Variants in GPR89A observed in about 807,000 individuals in gnomAD.
GPR89A encodes the protein golgi pH regulator A, also known as G protein-coupled receptor 89A.
Under a neutral mutation model 52.0 loss-of-function variants are expected in GPR89A, and 16 were observed. That is an observed-to-expected ratio of 0.31 (90% CI 0.21 to 0.47). The LOEUF is 0.47. Among genes scored for constraint, GPR89A ranks in the 20% least tolerant of loss-of-function variants. The probability of loss-of-function intolerance (pLI) is 1.00; values close to 1 mark genes in which losing one functional copy is unlikely to be tolerated. For synonymous variants in GPR89A, 55 were observed against 150.9 expected (o/e 0.36, Z 4.66); for missense variants, 135 against 449.4 (o/e 0.30, Z 6.33).
chr1:145,670,606 G>A lies in GPR89A; in HGVS notation c.*566G>A, dbSNP rs1440124442. 2.3e-5 allele frequency: 4 copies of A among 177,686 alleles called. No individual in the cohort carries two copies. The South Asian group carries it at 3.6e-4, about 16-fold the overall frequency. 11.0% of individuals were successfully genotyped at this position (177,686 alleles called of 1,614,324 possible). A position where few individuals can be genotyped will look rare whatever the true frequency, so the allele number is the denominator to read the frequency against. On this transcript the variant is annotated 3_prime_UTR_variant, in exon 14 of 14. Coordinates refer to ENST00000313835, the MANE Select transcript of GPR89A (RefSeq NM_001097612.2). ...AGAAAGAGGTTATCTGTTCTTTTCCGGGAAAGGGGTGGTATGCACCTGAAA... is the reference window on the plus strand; with the variant it reads ...AGAAAGAGGTTATCTGTTCTTTTCCAGGAAAGGGGTGGTATGCACCTGAAA...
chr1:145,609,630 G>A (rs1168954972), intron 1 of GPR89A, among the ~76,000 whole-genome samples: 1 of 152,148 alleles, frequency 6.6e-6, no homozygotes, highest in African/African-American at 2.4e-5. Flanking sequence ...ATAAAGATAA[G>A]AATGTCAGTA....
intron 1 of GPR89A, among the ~76,000 whole-genome samples, chr1:145,612,731 C>T (rs1473835674): frequency 2.6e-5 from 4 of 152,028 alleles, no homozygotes; most frequent in African/African-American, 4.8e-5. Context: ...CTCTAGTATT[C>T]CACCATCCTT....
chr1:145,611,604 C>T (rs1411434286), intron 1 of GPR89A: 1 of 151,278 alleles, frequency 6.6e-6, no homozygotes, highest in Non-Finnish European at 1.5e-5. Flanking sequence ...ATATCTGTTT[C>T]TCTTTTCTTC....
At chr1:145,648,949 T>C (rs1553693104) in intron 10 of GPR89A, among the ~76,000 whole-genome samples, 3 of 151,862 alleles carry the variant, frequency 2.0e-5, no homozygotes, top group African/African-American at 7.2e-5. Flanking sequence ...GGACTACAGG[T>C]GTGTGCCACA....
intron 1 of GPR89A, among the ~76,000 whole-genome samples, chr1:145,614,923 G>T (rs1217947506): frequency 1.3e-5 from 2 of 151,970 alleles, no homozygotes; most frequent in Non-Finnish European, 2.9e-5. Context: ...GGCAGCAGGG[G>T]CATGATAAGA....
intron 3 of GPR89A, among the ~76,000 whole-genome samples, chr1:145,620,203 T>G (rs1375744352): frequency 2.6e-5 from 4 of 152,176 alleles, no homozygotes; most frequent in Non-Finnish European, 2.9e-5. Flanking sequence ...GGCCAGATAA[T>G]AAATATTTTA....
chr1:145,635,383 G>A (rs189007268), intron 7 of GPR89A, among the ~76,000 whole-genome samples: 2 of 145,766 alleles, frequency 1.4e-5, no homozygotes, highest in Admixed American at 1.4e-4. Context: ...TCCAGCCTGG[G>A]TGATGGAGTG....
intron 10 of GPR89A, among the ~76,000 whole-genome samples, chr1:145,653,483 A>C (rs1651606023): frequency 1.3e-5 from 2 of 149,300 alleles, no homozygotes; most frequent in South Asian, 4.3e-4. Flanking sequence ...GATGTCTATC[A>C]GGTCCACTTG....
chr1:145,616,200 T>C, intron 1 of GPR89A, 34 bp from the exon 2 acceptor site: 1 of 1,545,458 alleles, frequency 6.5e-7, no homozygotes. Context: ...CAAAAGAAAA[T>C]ATGTATTGAC....
At chr1:145,637,145 T>G (rs1553690916) in intron 7 of GPR89A, among the ~76,000 whole-genome samples, 2 of 151,818 alleles carry the variant, frequency 1.3e-5, no homozygotes, top group Non-Finnish European at 2.9e-5. Context: ...GCTGTGCCTT[T>G]GATTGAGTGC....
rs1652922539 is a variant in GPR89A, at chr1:145,670,470, GC to G, written c.*432del. 2 of 275,882 alleles carry G rather than the reference GC, an allele frequency of 7.2e-6. No individual in the cohort carries two copies. The highest frequency in any genetic ancestry group is 8.3e-5 in the South Asian group (2 of 24,126). 17.1% of individuals were successfully genotyped at this position (275,882 alleles called of 1,614,324 possible). A position where few individuals can be genotyped will look rare whatever the true frequency, so the allele number is the denominator to read the frequency against. On this transcript the variant is annotated 3_prime_UTR_variant, in exon 14 of 14. Transcript: ENST00000313835. The stretch of plus-strand genomic sequence containing the variant: ...TAAAATCAGAGACTGTAACACTTTT[GC>G]CTTACGTTCATTTTATCAAGCATAG...
chr1:145,617,595 G>C (rs1553687283), intron 2 of GPR89A, among the ~76,000 whole-genome samples: 2 of 152,094 alleles, frequency 1.3e-5, no homozygotes. Context: ...AGTAAAGACA[G>C]GTGTAAGAAA....
At chr1:145,664,222 C>T (rs1186569965) in intron 11 of GPR89A, among the ~76,000 whole-genome samples, 7 of 152,076 alleles carry the variant, frequency 4.6e-5, no homozygotes, top group South Asian at 2.1e-4. Context: ...TGAAAATGAA[C>T]GAGAGCAAAT....
At chr1:145,615,243 T>C (rs1553686744) in intron 1 of GPR89A, among the ~76,000 whole-genome samples, 1 of 152,188 alleles carries the variant, frequency 6.6e-6, no homozygotes, top group African/African-American at 2.4e-5. Flanking sequence ...CTAAGAAAAC[T>C]CTCTGAAGGA....
At chr1:145,661,848 T>C (rs2101837676) in intron 10 of GPR89A, among the ~76,000 whole-genome samples, 1 of 150,074 alleles carries the variant, frequency 6.7e-6, no homozygotes, top group Non-Finnish European at 1.5e-5. Flanking sequence ...GTATTTCTCA[T>C]TCAATTCAAA....
chr1:145,660,159 C>T (rs1250117191), intron 10 of GPR89A, among the ~76,000 whole-genome samples: 1 of 152,126 alleles, frequency 6.6e-6, no homozygotes, highest in African/African-American at 2.4e-5. Flanking sequence ...ATATCTACAA[C>T]TATCTGATCT....
At chr1:145,660,878 C>G (rs1412555306) in intron 10 of GPR89A, among the ~76,000 whole-genome samples, 1 of 151,164 alleles carries the variant, frequency 6.6e-6, no homozygotes, top group Non-Finnish European at 1.5e-5. Context: ...CTAGTTCAAC[C>G]CTTGTGGAAG....
intron 10 of GPR89A, among the ~76,000 whole-genome samples, chr1:145,654,451 G>T (rs180947682): frequency 0.02 from 2,981 of 151,000 alleles, 38 homozygotes; most frequent in South Asian, 0.028. Context: ...TACTCGGGAG[G>T]CTGAGGCAGG....
Position 145,629,922 on chromosome 1 carries a change from G to T in GPR89A, c.416-765G>T, listed in dbSNP as rs188031376. Among the ~76,000 whole-genome samples the T allele has an allele frequency of 7.7e-4, 118 of 152,328 alleles. 3 individuals are homozygous for T. Among genetic ancestry groups the T allele is most frequent in the Admixed American group, 4.4e-3 (68 of 15,302 alleles). On this transcript the variant is annotated intron_variant, in intron 5 of 13. Transcript: ENST00000313835. ...CTGGCATTTGACCATAGGAGTGGAT[G>T]GCTGTAGTGAATTCTATCCTAGAAA...
Sources: allele counts gnomAD v4.1 joint callset (sites outside exome capture counted in the v4.1 genomes callset), GRCh38; gene constraint gnomAD v4.1.1; transcripts MANE v1.5; gene names NCBI Gene and HGNC (gene_info 2026-07-23, HGNC 2026-07-21).